Variants in CDH12 observed in about 807,000 individuals in gnomAD.
The protein encoded by CDH12 is cadherin-12.
Under a neutral mutation model 74.1 loss-of-function variants are expected in CDH12, and 41 were observed. The observed-to-expected ratio is 0.55, with a 90% CI of 0.43 to 0.72. The LOEUF (loss-of-function observed/expected upper bound fraction) is 0.72. Ranked by LOEUF, CDH12 falls within the 30% of genes least tolerant of loss-of-function variation. The probability of loss-of-function intolerance (pLI) is 0.00; values close to 1 mark genes in which losing one functional copy is unlikely to be tolerated. For synonymous variants in CDH12, 399 were observed against 355.0 expected (o/e 1.12, Z -1.39); for missense variants, 945 against 977.2 (o/e 0.97, Z 0.44).
chr5:22,308,520 C>A (rs1332023064), intron 3 of CDH12, among the ~76,000 whole-genome samples: 1 of 151,970 alleles, frequency 6.6e-6, no homozygotes, highest in Non-Finnish European at 1.5e-5. Context: ...TGTAGGTAAT[C>A]CAATTGTTCT....
At chr5:22,011,924 T>G (rs2150153417) in intron 5 of CDH12, among the ~76,000 whole-genome samples, 1 of 152,228 alleles carries the variant, frequency 6.6e-6, no homozygotes, top group East Asian at 1.9e-4. Context: ...ACAAAGCTGT[T>G]TCTTCAATAT....
chr5:22,506,642 G>A (rs1486175591), intron 1 of CDH12, among the ~76,000 whole-genome samples: 1 of 151,788 alleles, frequency 6.6e-6, no homozygotes, highest in East Asian at 1.9e-4. Flanking sequence ...TTTTATCAGA[G>A]AATGGTGAGA....
At chr5:21,761,448 A>G (rs959427810) in intron 12 of CDH12, among the ~76,000 whole-genome samples, 2 of 152,166 alleles carry the variant, frequency 1.3e-5, no homozygotes, top group Non-Finnish European at 2.9e-5. Flanking sequence ...GCTGTGCATC[A>G]GACAGAATTT....
intron 3 of CDH12, among the ~76,000 whole-genome samples, chr5:22,276,076 G>A (rs917520862): frequency 6.6e-6 from 1 of 152,046 alleles, no homozygotes; most frequent in Non-Finnish European, 1.5e-5. Context: ...AATTTAGATT[G>A]AGGTTGGAAT....
intron 1 of CDH12, among the ~76,000 whole-genome samples, chr5:22,809,902 A>C (rs1199846713): frequency 6.6e-6 from 1 of 152,136 alleles, no homozygotes; most frequent in Non-Finnish European, 1.5e-5. Flanking sequence ...TACCCAATAA[A>C]TATACTAATT....
At chr5:22,707,094 C>T (rs174873) in intron 1 of CDH12, among the ~76,000 whole-genome samples, 112,626 of 152,026 alleles carry the variant, frequency 0.74, 42,555 homozygotes, top group African/African-American at 0.89. Flanking sequence ...CCATTGTGAA[C>T]TGGCCTTATT....
At chr5:22,798,491 AT>A (rs1748345129) in intron 1 of CDH12, among the ~76,000 whole-genome samples, 1 of 152,030 alleles carries the variant, frequency 6.6e-6, no homozygotes, top group Admixed American at 6.6e-5. Context: ...ATAAATATGT[AT>A]TTTTTCATTC....
At chr5:22,026,420 C>T (rs1216947447) in intron 5 of CDH12, among the ~76,000 whole-genome samples, 2 of 152,110 alleles carry the variant, frequency 1.3e-5, no homozygotes, top group East Asian at 1.9e-4. Flanking sequence ...CCCTTGGTTT[C>T]GTTATGCCTC....
intron 5 of CDH12, among the ~76,000 whole-genome samples, chr5:22,032,270 C>T (rs765233792): frequency 3.3e-5 from 5 of 151,598 alleles, no homozygotes; most frequent in Non-Finnish European, 2.9e-5. Context: ...ATTTTTATAA[C>T]CTAAAGAAAT....
rs901798451 is a variant in CDH12, at chr5:22,498,904, T to A, written c.-428+6366A>T. On this transcript the variant is annotated intron_variant, in intron 2 of 14. Transcript: ENST00000382254. Reference sequence around the variant, plus strand: ...TCTTCTTTTTCTTTTTCTGTTTCTTTTTTTTTTTTTTTTTTTTGTGACGTA... The same window carrying A: ...TCTTCTTTTTCTTTTTCTGTTTCTTATTTTTTTTTTTTTTTTTGTGACGTA... 4.6e-4 allele frequency among the ~76,000 whole-genome samples: 62 copies of A among 134,566 alleles called. 1 individual carries two copies. Among genetic ancestry groups the A allele is most frequent in the African/African-American group, 1.7e-3 (61 of 35,440 alleles). The allele number at this position is 134,566 out of a possible 152,430, so 88.3% of individuals were successfully genotyped here.
chr5:21,944,564 T>C (rs10043103), intron 6 of CDH12, among the ~76,000 whole-genome samples: 45,618 of 151,996 alleles, frequency 0.3, 11,257 homozygotes, highest in African/African-American at 0.68. Context: ...TCATATATTC[T>C]GTGGTGATTA....
intron 4 of CDH12, among the ~76,000 whole-genome samples, chr5:22,130,232 G>C (rs557535436): frequency 2.6e-5 from 4 of 151,044 alleles, no homozygotes; most frequent in Non-Finnish European, 5.9e-5. Context: ...TGGAAAGGCA[G>C]TGGGAGACAT....
chr5:22,488,317 T>C (rs947676210), intron 2 of CDH12, among the ~76,000 whole-genome samples: 3 of 152,166 alleles, frequency 2.0e-5, no homozygotes, highest in Non-Finnish European at 2.9e-5. Context: ...AAAAGAAATA[T>C]TTTTTTCCGT....
At chr5:22,381,864 G>A (rs75706031) in intron 3 of CDH12, among the ~76,000 whole-genome samples, 3,652 of 151,202 alleles carry the variant, frequency 0.024, 81 homozygotes, top group Non-Finnish European at 0.037. Context: ...CTAGATTAGG[G>A]AGGGACATTC....
At chr5:21,858,186 CAT>C (rs1750853239) in intron 6 of CDH12, among the ~76,000 whole-genome samples, 2 of 151,792 alleles carry the variant, frequency 1.3e-5, no homozygotes, top group South Asian at 4.1e-4. Flanking sequence ...CAGTTCATAA[CAT>C]ATCATTTTAG....
At chr5:22,153,867 TATATGTATATATATATATATAA>T (rs1161031344) in intron 4 of CDH12, among the ~76,000 whole-genome samples, 46 of 63,558 alleles carry the variant, frequency 7.2e-4, no homozygotes, top group Admixed American at 4.4e-3. Context: ...TGTATATATA[TATATGTATATATATATATATAA>T]ATATATATAT....
At chr5:22,802,780 C>T (rs2126422935) in intron 1 of CDH12, among the ~76,000 whole-genome samples, 1 of 152,248 alleles carries the variant, frequency 6.6e-6, no homozygotes, top group South Asian at 2.1e-4. Flanking sequence ...GGCACAAAGC[C>T]ATAGTTTTTA....
chr5:22,814,711 C>T (rs182195761), intron 1 of CDH12, among the ~76,000 whole-genome samples: 133 of 152,074 alleles, frequency 8.7e-4, no homozygotes, highest in Non-Finnish European at 1.5e-3. Flanking sequence ...AATATGTTTT[C>T]GGAACATAGC....
At chr5:22,317,584 C>G (rs1009418909) in intron 3 of CDH12, among the ~76,000 whole-genome samples, 9 of 152,072 alleles carry the variant, frequency 5.9e-5, no homozygotes, top group African/African-American at 2.2e-4. Flanking sequence ...ACTGAATACG[C>G]AGTTCCTGTA....
Sources: allele counts gnomAD v4.1 joint callset (sites outside exome capture counted in the v4.1 genomes callset), GRCh38; gene constraint gnomAD v4.1.1; transcripts MANE v1.5; gene names NCBI Gene and HGNC (gene_info 2026-07-23, HGNC 2026-07-21).